ANKRD36: variants seen among roughly 807,000 people sequenced by gnomAD.
ANKRD36 encodes ankyrin repeat domain-containing protein 36A.
A neutral mutation model predicts 278.1 loss-of-function variants in ANKRD36; 179 were observed. The ratio of observed to expected loss-of-function variants is 0.64; its 90% CI spans 0.57 to 0.73. The LOEUF (loss-of-function observed/expected upper bound fraction) is 0.73, where lower values mean the gene tolerates loss of function less well. Among genes scored for constraint, ANKRD36 ranks in the 30% least tolerant of loss-of-function variants. The pLI, the probability that ANKRD36 is intolerant of heterozygous loss-of-function variation, is 0.00. For synonymous variants in ANKRD36, 320 were observed against 641.1 expected (o/e 0.50, Z 7.57); for missense variants, 1,159 against 1,956.7 (o/e 0.59, Z 7.69).
At position 97,192,180 on chromosome 2, in the gene ANKRD36, A is replaced by G. The variant is rs564055444; in HGVS notation, c.2348-678A>G. Among the ~76,000 whole-genome samples, 6 of 151,876 alleles carry G rather than the reference A, an allele frequency of 4.0e-5. No individual in the cohort carries two copies. The East Asian group carries it at 1.2e-3, about 30-fold the overall frequency. ...AATTGATGATTTTTTATTGTGGCTAATATATTATCCTGTGGTGCCATGAGT... is the reference window on the plus strand; with the variant it reads ...AATTGATGATTTTTTATTGTGGCTAGTATATTATCCTGTGGTGCCATGAGT... On this transcript the variant is annotated intron_variant, in intron 36 of 75. Transcript: ENST00000420699.
intron 3 of ANKRD36, among the ~76,000 whole-genome samples, chr2:97,122,292 AT>A (rs2037096717): frequency 6.7e-6 from 1 of 149,144 alleles, no homozygotes; most frequent in African/African-American, 2.4e-5. Flanking sequence ...ACAAATAGGG[AT>A]TAGGTGAAGT....
At chr2:97,128,863 C>T (rs553288248) in intron 6 of ANKRD36, among the ~76,000 whole-genome samples, 4 of 152,242 alleles carry the variant, frequency 2.6e-5, no homozygotes, top group African/African-American at 9.6e-5. Flanking sequence ...TCCCAACTCC[C>T]TCCAACATGG....
At chr2:97,220,873 C>T (rs184169164) in intron 66 of ANKRD36, among the ~76,000 whole-genome samples, 110 of 146,890 alleles carry the variant, frequency 7.5e-4, no homozygotes, top group African/African-American at 2.7e-3. Flanking sequence ...GTGCGCTGCA[C>T]CCACTAACGT....
intron 75 of ANKRD36, among the ~76,000 whole-genome samples, chr2:97,258,975 TCTC>T (rs931929159): frequency 1.4e-5 from 2 of 144,880 alleles, no homozygotes; most frequent in Non-Finnish European, 3.0e-5. Flanking sequence ...TTCTTTTTCT[TCTC>T]CTTCAGAAAC....
At chr2:97,207,768 C>G (rs1344703673) in intron 52 of ANKRD36, 43 bp from the exon 53 acceptor site, 3 of 1,543,614 alleles carry the variant, frequency 1.9e-6, no homozygotes, top group Non-Finnish European at 2.6e-6. Flanking sequence ...ATAATTTTGT[C>G]ATTTTTACAC....
At chr2:97,262,811 A>G (rs1169790803) in intron 75 of ANKRD36, among the ~76,000 whole-genome samples, 7 of 133,756 alleles carry the variant, frequency 5.2e-5, no homozygotes, top group Non-Finnish European at 7.6e-5. Flanking sequence ...TGTGTGTCAT[A>G]CCCGTTGTCT....
At chr2:97,233,067 C>T (rs1422840488) in intron 67 of ANKRD36, among the ~76,000 whole-genome samples, 1 of 151,208 alleles carries the variant, frequency 6.6e-6, no homozygotes, top group Non-Finnish European at 1.5e-5. Flanking sequence ...AAAACCAATA[C>T]AGAATGTGTT....
At position 97,211,563 on chromosome 2, in the gene ANKRD36, C is replaced by T. The variant is rs2064613498; in HGVS notation, c.3385C>T (p.Pro1129Ser). 7 of 1,606,994 alleles carry T rather than the reference C, an allele frequency of 4.4e-6. No homozygotes were observed. Among genetic ancestry groups the T allele is most frequent in the Admixed American group, 1.7e-5 (1 of 59,700 alleles). ...KSRTVSSPKQ[P>S]ALKAICDKED... ...CTTTTCAGTGTCTTCTCCGAAACAA[C>T]CAGCATTGAAGGTAATTAAGCTCTC... Residue 1129 changes from proline (P) to serine (S), a missense_variant, in exon 57 of 76, where the codon CCA becomes TCA. By Grantham distance (74) the Pro-to-Ser change is moderately conservative. Coordinates refer to ENST00000420699, the MANE Select transcript of ANKRD36 (RefSeq NM_001354587.1).
rs1186859477 is a variant in ANKRD36 at position 97,152,397 on chromosome 2, C to T, written c.1163-107C>T. ...CAAGTGATACTTCTGCCTCAGCCTT[C>T]TGAGTAGCTGGGATTATAGGAACAA... is the stretch of plus-strand genomic sequence containing the variant. On this transcript the variant is annotated intron_variant, in intron 13 of 75. Transcript: ENST00000420699. The T allele has an allele frequency of 3.5e-5, 34 of 966,182 alleles. 1 individual carries two copies. The highest frequency in any genetic ancestry group is 5.1e-5 in the Non-Finnish European group (34 of 668,454). 59.9% of individuals were successfully genotyped at this position (966,182 alleles called of 1,614,324 possible).
At chr2:97,186,056 G>A (rs549340881) in intron 30 of ANKRD36, among the ~76,000 whole-genome samples, 3 of 151,820 alleles carry the variant, frequency 2.0e-5, no homozygotes, top group Admixed American at 6.6e-5. Flanking sequence ...AACTCACTTC[G>A]GATGCATTTA....
chr2:97,122,873 C>T lies in ANKRD36; in HGVS notation c.487-14C>T. 2 of 1,528,746 alleles carry T rather than the reference C, an allele frequency of 1.3e-6. No individual in the cohort carries two copies. Among genetic ancestry groups the T allele is most frequent in the South Asian group, 2.5e-5 (2 of 81,222 alleles). The allele number at this position is 1,528,746 out of a possible 1,614,324, so 94.7% of individuals were successfully genotyped here. On this transcript the variant is annotated splice_polypyrimidine_tract_variant and intron_variant, in intron 3 of 75. Transcript: ENST00000420699. ...GTAATTTTGTGATTATAAATTGTTGCTGTTATTTTACAGTGTGAATATCAG... is the reference window on the plus strand; with the variant it reads ...GTAATTTTGTGATTATAAATTGTTGTTGTTATTTTACAGTGTGAATATCAG...
At chr2:97,226,238 C>T (rs2069551034) in intron 67 of ANKRD36, among the ~76,000 whole-genome samples, 2 of 151,940 alleles carry the variant, frequency 1.3e-5, no homozygotes, top group Non-Finnish European at 2.9e-5. Flanking sequence ...TACAGTCCCA[C>T]CAACAGTGTA....
At chr2:97,195,086 A>G (rs545999609) in intron 40 of ANKRD36, among the ~76,000 whole-genome samples, 169 bp downstream of exon 40, 6 of 152,104 alleles carry the variant, frequency 3.9e-5, no homozygotes, top group East Asian at 3.9e-4. Flanking sequence ...GGTCTGGAAC[A>G]TGATCTTCAC....
chr2:97,182,426 C>A (rs1033398883), intron 26 of ANKRD36, among the ~76,000 whole-genome samples: 6 of 145,772 alleles, frequency 4.1e-5, no homozygotes, highest in African/African-American at 1.5e-4. Context: ...TGACTCATTA[C>A]TCCTCTTTGT....
At position 97,124,585 on chromosome 2, in the gene ANKRD36, C is replaced by A. The variant is rs1161196919; in HGVS notation, c.719C>A (p.Ala240Asp). The A allele has an allele frequency of 4.3e-5, 66 of 1,551,416 alleles. No individual in the cohort carries two copies. Among genetic ancestry groups the A allele is most frequent in the Non-Finnish European group, 5.5e-5 (63 of 1,146,634 alleles). The change falls in exon 5 of 76, where the codon GCT becomes GAT. Residue 240 changes from alanine to aspartate, a missense_variant. By Grantham distance (126) the Ala-to-Asp change is moderately radical. Transcript: ENST00000420699. ...RKIAGDYAIEAKNRVIFDLIY... is the reference protein window; with the variant it reads ...RKIAGDYAIEDKNRVIFDLIY... ...ATTGCAGGAGATTATGCCATTGAGG[C>A]TAAGAATAGAGTGTAAGTCTTTACA...
At chr2:97,191,551 C>T (rs951665839) in intron 36 of ANKRD36, among the ~76,000 whole-genome samples, 4 of 151,602 alleles carry the variant, frequency 2.6e-5, no homozygotes, top group African/African-American at 9.7e-5. Flanking sequence ...TAAAAACAGA[C>T]AGAAAACTGA....
At chr2:97,176,938 A>G (rs1016084162) in intron 22 of ANKRD36, among the ~76,000 whole-genome samples, 2 of 151,758 alleles carry the variant, frequency 1.3e-5, no homozygotes, top group African/African-American at 4.8e-5. Context: ...CTATTGTCTC[A>G]GCCCAAAATC....
intron 28 of ANKRD36, among the ~76,000 whole-genome samples, chr2:97,184,635 T>G (rs542069866): frequency 6.6e-6 from 1 of 151,700 alleles, no homozygotes; most frequent in Non-Finnish European, 1.5e-5. Context: ...TTGTACTTTT[T>G]GATGAGGTTT....
At chr2:97,156,331 T>C (rs1481322114) in intron 15 of ANKRD36, among the ~76,000 whole-genome samples, 1 of 145,520 alleles carries the variant, frequency 6.9e-6, no homozygotes, top group Admixed American at 6.8e-5. Context: ...TAACTCGTCA[T>C]CTAGCATCAG....
Sources: gnomAD v4.1 joint callset for allele counts (sites outside exome capture counted in the v4.1 genomes callset) on GRCh38, gnomAD v4.1.1 for gene constraint, MANE v1.5 for transcripts, NCBI Gene and HGNC (gene_info 2026-07-23, HGNC 2026-07-21) for gene names.